Variants in XKR6 observed in about 807,000 individuals in gnomAD.
XKR6 encodes the protein XK related 6.
In XKR6, 22 loss-of-function variants were observed where a neutral mutation model predicts 56.7. That is an observed-to-expected ratio of 0.39 (90% CI 0.28 to 0.55). The LOEUF (loss-of-function observed/expected upper bound fraction) is 0.55. Ranked by LOEUF, XKR6 falls within the 20% of genes least tolerant of loss-of-function variation. The pLI, the probability that XKR6 is intolerant of heterozygous loss-of-function variation, is 0.66. For missense variants in XKR6, 852 were observed against 889.0 expected (o/e 0.96, Z 0.53); for synonymous variants, 524 against 387.8 (o/e 1.35, Z -4.13).
At chr8:11,115,062 G>C (rs1799108216) in intron 1 of XKR6, among the ~76,000 whole-genome samples, 1 of 152,034 alleles carries the variant, frequency 6.6e-6, no homozygotes, top group African/African-American at 2.4e-5. Flanking sequence ...CTCAAGTCTG[G>C]GCTATGATGC....
At chr8:10,966,582 A>G (rs1313702002) in intron 1 of XKR6, among the ~76,000 whole-genome samples, 2 of 152,100 alleles carry the variant, frequency 1.3e-5, no homozygotes, top group African/African-American at 4.8e-5. Context: ...GCTGAGGCAG[A>G]AGAATGGCGT....
At chr8:11,090,561 T>G (rs1798033124) in intron 1 of XKR6, among the ~76,000 whole-genome samples, 1 of 152,218 alleles carries the variant, frequency 6.6e-6, no homozygotes, top group Non-Finnish European at 1.5e-5. Context: ...CTTGACACAC[T>G]TGCCTGCATT....
rs1343329835 is a variant in XKR6, at chr8:11,118,645, G to A, written c.764+81931C>T. Reference sequence around the variant, plus strand: ...TGGTAGTTTGTATTTCTGTGGGATCGGTGGTGATATCCCCTTTATCATTTT... The same window carrying A: ...TGGTAGTTTGTATTTCTGTGGGATCAGTGGTGATATCCCCTTTATCATTTT... On this transcript the variant is annotated intron_variant, in intron 1 of 2. Transcript: ENST00000416569. Among the ~76,000 whole-genome samples, 8 of 152,098 alleles carry A rather than the reference G, an allele frequency of 5.3e-5. No homozygotes were observed. In the East Asian group the frequency reaches 5.8e-4, roughly 11 times the overall value.
intron 2 of XKR6, among the ~76,000 whole-genome samples, chr8:10,923,435 G>A (rs556842445): frequency 5.3e-5 from 8 of 152,312 alleles, no homozygotes; most frequent in East Asian, 1.9e-4. Flanking sequence ...TAGGACAGGC[G>A]AGCCTGTCAG....
At chr8:10,950,077 C>T (rs981462289) in intron 1 of XKR6, among the ~76,000 whole-genome samples, 14 of 152,142 alleles carry the variant, frequency 9.2e-5, no homozygotes, top group African/African-American at 3.1e-4. Flanking sequence ...TGCATGCACA[C>T]GTGACACATG....
At chr8:10,977,910 A>T (rs1451220333) in intron 1 of XKR6, among the ~76,000 whole-genome samples, 1 of 152,066 alleles carries the variant, frequency 6.6e-6, no homozygotes, top group Non-Finnish European at 1.5e-5. Flanking sequence ...TATCTTGGCA[A>T]CTGGTGGTGA....
intron 2 of XKR6, among the ~76,000 whole-genome samples, chr8:10,905,825 G>A (rs1171833982): frequency 6.6e-6 from 1 of 152,068 alleles, no homozygotes; most frequent in Non-Finnish European, 1.5e-5. Flanking sequence ...TTTTAAAAAA[G>A]TCCAGTCTCT....
In XKR6 at chr8:11,010,321, T is replaced by C. The variant is rs1454866960; in HGVS notation, c.765-85491A>G. On this transcript the variant is annotated intron_variant, in intron 1 of 2. Transcript: ENST00000416569. Reference sequence around the variant, plus strand: ...CAACATTGGGAATTACAATTTGACATGAGAATTGGGCAGGAACACAAATCC... The same window carrying C: ...CAACATTGGGAATTACAATTTGACACGAGAATTGGGCAGGAACACAAATCC... Among the ~76,000 whole-genome samples, 3 of 152,322 alleles carry C rather than the reference T, an allele frequency of 2.0e-5. 1 individual carries two copies. Among genetic ancestry groups the C allele is most frequent in the Middle Eastern group, 6.8e-3 (2 of 294 alleles).
intron 1 of XKR6, among the ~76,000 whole-genome samples, chr8:11,004,973 G>A (rs1348644493): frequency 6.6e-6 from 1 of 152,024 alleles, no homozygotes; most frequent in Admixed American, 6.5e-5. Flanking sequence ...CTTAAATGAC[G>A]TACCAAGAGT....
At chr8:11,106,438 A>G (rs572589671) in intron 1 of XKR6, 4 of 152,376 alleles carry the variant, frequency 2.6e-5, no homozygotes, top group African/African-American at 9.6e-5. Flanking sequence ...CCTGGCCTCA[A>G]GGGAATATGG....
At chr8:10,991,945 C>T (rs1173587763) in intron 1 of XKR6, among the ~76,000 whole-genome samples, 1 of 152,162 alleles carries the variant, frequency 6.6e-6, no homozygotes. Context: ...TAATTCTATT[C>T]CCCACTTAGA....
At chr8:11,058,863 G>T (rs900026095) in intron 1 of XKR6, among the ~76,000 whole-genome samples, 1 of 152,226 alleles carries the variant, frequency 6.6e-6, no homozygotes, top group Non-Finnish European at 1.5e-5. Flanking sequence ...TTTAAAAAAA[G>T]AAAGGAATGT....
intron 2 of XKR6, among the ~76,000 whole-genome samples, chr8:10,911,372 GAC>G (rs1800359884): frequency 7.0e-6 from 1 of 143,574 alleles, no homozygotes; most frequent in Non-Finnish European, 1.5e-5. Context: ...TATATATATA[GAC>G]AGAGAGGGAG....
chr8:10,981,310 T>C (rs770585729), intron 1 of XKR6, among the ~76,000 whole-genome samples: 3 of 152,164 alleles, frequency 2.0e-5, no homozygotes, highest in Non-Finnish European at 2.9e-5. Flanking sequence ...ACTCTAGCAA[T>C]AGTCCATGTG....
intron 1 of XKR6, among the ~76,000 whole-genome samples, chr8:11,027,099 G>A (rs1798887312): frequency 6.6e-6 from 1 of 152,208 alleles, no homozygotes. Context: ...AGGCTATACG[G>A]CATAGCCTGT....
At chr8:11,080,483 G>C (rs1797678370) in intron 1 of XKR6, among the ~76,000 whole-genome samples, 1 of 152,222 alleles carries the variant, frequency 6.6e-6, no homozygotes. Flanking sequence ...TCTATTTCTT[G>C]TTCTCTAAAC....
At chr8:11,085,197 G>C (rs1229930915) in intron 1 of XKR6, among the ~76,000 whole-genome samples, 1 of 152,162 alleles carries the variant, frequency 6.6e-6, no homozygotes, top group Non-Finnish European at 1.5e-5. Flanking sequence ...GCATCACACA[G>C]ACTTCCTCCC....
At chr8:10,939,424 G>A (rs575402891) in intron 1 of XKR6, among the ~76,000 whole-genome samples, 109 of 152,290 alleles carry the variant, frequency 7.2e-4, no homozygotes, top group African/African-American at 2.5e-3. Flanking sequence ...GGATCACCAG[G>A]ATTTAAGGGA....
At chr8:11,152,759 CAG>C (rs1801329624) in intron 1 of XKR6, among the ~76,000 whole-genome samples, 1 of 152,198 alleles carries the variant, frequency 6.6e-6, no homozygotes, top group South Asian at 2.1e-4. Flanking sequence ...AGCTTGTGGA[CAG>C]AGTGTTTCTT....
Sources: allele counts gnomAD v4.1 joint callset (sites outside exome capture counted in the v4.1 genomes callset), GRCh38; gene constraint gnomAD v4.1.1; transcripts MANE v1.5; gene names NCBI Gene and HGNC (gene_info 2026-07-23, HGNC 2026-07-21).